Variants in FSTL4 observed in about 807,000 individuals in gnomAD.
FSTL4 encodes the protein follistatin-related protein 4.
In FSTL4, 28 loss-of-function variants were observed where a neutral mutation model predicts 78.2. That is an observed-to-expected ratio of 0.36 (90% confidence interval 0.27 to 0.49). FSTL4 has a LOEUF of 0.49. Ranked by LOEUF, FSTL4 falls within the 20% of genes least tolerant of loss-of-function variation. The pLI is 0.98. For missense variants in FSTL4, 922 were observed against 1,084.9 expected (o/e 0.85, Z 2.11); for synonymous variants, 422 against 440.5 (o/e 0.96, Z 0.53).
At chr5:133,306,873 A>G (rs1000791184) in intron 6 of FSTL4, among the ~76,000 whole-genome samples, 1 of 152,110 alleles carries the variant, frequency 6.6e-6, no homozygotes, top group African/African-American at 2.4e-5. Flanking sequence ...AAGGACAACA[A>G]TGGCATGGCA....
chr5:133,825,490 G>C, the FSTL4 span, among the ~76,000 whole-genome samples: 1 of 152,216 alleles, frequency 6.6e-6, no homozygotes, highest in Admixed American at 6.5e-5. Flanking sequence ...ATTATCAATA[G>C]TTTTGTCTAT....
intron 2 of FSTL4, among the ~76,000 whole-genome samples, chr5:133,582,419 C>G (rs950361981): frequency 2.0e-5 from 3 of 152,170 alleles, no homozygotes; most frequent in African/African-American, 7.2e-5. Flanking sequence ...AAAGAGCACT[C>G]AGTATCTGGT....
chr5:133,289,668 C>G (rs1036350227), intron 6 of FSTL4, among the ~76,000 whole-genome samples: 1 of 152,238 alleles, frequency 6.6e-6, no homozygotes, highest in African/African-American at 2.4e-5. Context: ...TTGCCCAACT[C>G]TGGGACTAGT....
At position 133,543,366 on chromosome 5, in the gene FSTL4, TA is replaced by T. The variant is rs368189474; in HGVS notation, c.160+23819del. On this transcript the variant is annotated intron_variant, in intron 3 of 15. Transcript: ENST00000265342. ...CATGCCTAGCCTCTTTCTTCTCTTC[TA>T]ATGGAATTATTTAAGATTATGTAAT... Among the ~76,000 whole-genome samples, 813 of 152,316 alleles carry T rather than the reference TA, an allele frequency of 5.3e-3. 7 individuals are homozygous for T. Among genetic ancestry groups the T allele is most frequent in the African/African-American group, 0.019 (777 of 41,562 alleles).
intron 4 of FSTL4, among the ~76,000 whole-genome samples, chr5:133,346,225 C>T (rs976812693): frequency 6.6e-6 from 1 of 151,976 alleles, no homozygotes; most frequent in African/African-American, 2.4e-5. Flanking sequence ...GGGAATATCA[C>T]ACACTGCGGC....
At chr5:133,213,778 C>T (rs980081471) in intron 13 of FSTL4, among the ~76,000 whole-genome samples, 3 of 151,990 alleles carry the variant, frequency 2.0e-5, no homozygotes, top group Non-Finnish European at 4.4e-5. Flanking sequence ...TTATGTTAAA[C>T]ATAAATGTAT....
the FSTL4 span, among the ~76,000 whole-genome samples, chr5:133,633,388 C>T: frequency 2.0e-5 from 3 of 152,126 alleles, no homozygotes; most frequent in Non-Finnish European, 2.9e-5. Flanking sequence ...TCCTCTGTCC[C>T]CTCCAATCTG....
At chr5:133,329,225 G>C (rs1397880483) in intron 4 of FSTL4, among the ~76,000 whole-genome samples, 1 of 152,106 alleles carries the variant, frequency 6.6e-6, no homozygotes, top group Non-Finnish European at 1.5e-5. Flanking sequence ...TTGGAATTTT[G>C]TGGGGATGTT....
At chr5:133,748,444 C>T in the FSTL4 span, among the ~76,000 whole-genome samples, 1 of 148,530 alleles carries the variant, frequency 6.7e-6, no homozygotes, top group Non-Finnish European at 1.5e-5. Context: ...GGTGGTGTAT[C>T]CCTGTAATCC....
the FSTL4 span, among the ~76,000 whole-genome samples, chr5:133,691,422 G>A: frequency 6.6e-6 from 1 of 152,084 alleles, no homozygotes; most frequent in African/African-American, 2.4e-5. Context: ...GCAATGTCCT[G>A]CCAGCCAGCC....
At chr5:133,373,328 C>T (rs922512095) in intron 4 of FSTL4, among the ~76,000 whole-genome samples, 1 of 152,138 alleles carries the variant, frequency 6.6e-6, no homozygotes, top group Non-Finnish European at 1.5e-5. Flanking sequence ...AGGAGGTGGG[C>T]GGTCAGCACC....
chr5:133,829,742 G>T, the FSTL4 span, among the ~76,000 whole-genome samples: 1 of 152,226 alleles, frequency 6.6e-6, no homozygotes, highest in African/African-American at 2.4e-5. Flanking sequence ...TTCTTATGAA[G>T]TCTCTTATTC....
At position 133,388,588 on chromosome 5, in the gene FSTL4, T is replaced by TC. The variant is rs1172961690; in HGVS notation, c.409+12149_409+12150insG. 22 of 149,380 alleles carry TC rather than the reference T, an allele frequency of 1.5e-4. No homozygotes were observed. The East Asian group carries it at 4.3e-3, about 29-fold the overall frequency. The allele number at this position is 149,380 out of a possible 1,614,324, so 9.3% of individuals were successfully genotyped here. A position where few individuals can be genotyped will look rare whatever the true frequency, so the allele number is the denominator to read the frequency against. On this transcript the variant is annotated intron_variant, in intron 4 of 15. Coordinates refer to ENST00000265342, the MANE Select transcript of FSTL4 (RefSeq NM_015082.2). ...CCCCAGTGCAACACCAGGTAGGACT[T>TC]TTTTTTTTTTTGTCTGCTTTGTTTT...
the FSTL4 span, among the ~76,000 whole-genome samples, chr5:133,779,735 C>T: frequency 6.6e-6 from 1 of 152,236 alleles, no homozygotes; most frequent in Non-Finnish European, 1.5e-5. Context: ...CCCTGCCTAA[C>T]TCTCCAGCCT....
intron 11 of FSTL4, among the ~76,000 whole-genome samples, chr5:133,221,920 T>TTTTTTTTTTTTTTTTG (rs1751145448): frequency 7.7e-6 from 1 of 130,402 alleles, no homozygotes; most frequent in Non-Finnish European, 1.6e-5. Flanking sequence ...TTTTTTTTTT[T>TTTTTTTTTTTTTTTTG]TTTTTTTAGC....
At chr5:133,754,106 C>T in the FSTL4 span, among the ~76,000 whole-genome samples, 1 of 152,180 alleles carries the variant, frequency 6.6e-6, no homozygotes, top group South Asian at 2.1e-4. Context: ...TTATACACAG[C>T]ATACAAAGTA....
the FSTL4 span, among the ~76,000 whole-genome samples, chr5:133,785,192 T>C: frequency 6.6e-6 from 1 of 152,266 alleles, no homozygotes. Context: ...GAGGACATGC[T>C]GGTGAGAAAG....
At chr5:133,389,330 T>G (rs942372547) in intron 4 of FSTL4, among the ~76,000 whole-genome samples, 8 of 152,152 alleles carry the variant, frequency 5.3e-5, no homozygotes, top group African/African-American at 1.9e-4. Flanking sequence ...TACAGCTAAA[T>G]CCATGGTCAC....
intron 7 of FSTL4, among the ~76,000 whole-genome samples, chr5:133,233,783 C>T (rs929166949): frequency 1.3e-5 from 2 of 152,158 alleles, no homozygotes; most frequent in African/African-American, 2.4e-5. Context: ...CCCTCCTCCA[C>T]GAGGCCCGGT....
Sources: allele counts gnomAD v4.1 joint callset (sites outside exome capture counted in the v4.1 genomes callset), GRCh38; gene constraint gnomAD v4.1.1; transcripts MANE v1.5; gene names NCBI Gene and HGNC (gene_info 2026-07-23, HGNC 2026-07-21).